NEGR1: variants seen among roughly 807,000 people sequenced by gnomAD.
The protein encoded by NEGR1 is IgLON family member 4.
In NEGR1, 10 loss-of-function variants were observed where a neutral mutation model predicts 40.9. The ratio of observed to expected loss-of-function variants is 0.24; its 90% CI spans 0.15 to 0.42. NEGR1 has a LOEUF of 0.42. NEGR1 is among the 10% of genes least tolerant of loss of function. The pLI is 1.00. For synonymous variants in NEGR1, 185 were observed against 166.8 expected (o/e 1.11, Z -0.84); for missense variants, 352 against 438.9 (o/e 0.80, Z 1.77).
At chr1:72,096,715 G>A (rs1648713411) in intron 1 of NEGR1, among the ~76,000 whole-genome samples, 1 of 151,924 alleles carries the variant, frequency 6.6e-6, no homozygotes, top group African/African-American at 2.4e-5. Flanking sequence ...AGGCTGGAGT[G>A]CAGTGGTGCG....
intron 2 of NEGR1, among the ~76,000 whole-genome samples, chr1:71,857,078 T>C (rs751691066): frequency 2.6e-5 from 4 of 151,980 alleles, no homozygotes; most frequent in Non-Finnish European, 4.4e-5. Flanking sequence ...CTGAGATGAC[T>C]TGCAAACAGG....
intron 3 of NEGR1, among the ~76,000 whole-genome samples, chr1:71,775,792 G>T (rs550197160): frequency 3.0e-4 from 46 of 151,944 alleles, no homozygotes; most frequent in Admixed American, 8.5e-4. Flanking sequence ...AAGATTCCGA[G>T]GCCAACCTGG....
At chr1:71,877,568 C>T (rs1212965675) in intron 2 of NEGR1, among the ~76,000 whole-genome samples, 8 of 152,052 alleles carry the variant, frequency 5.3e-5, no homozygotes, top group Admixed American at 3.9e-4. Context: ...CCGTAATTAT[C>T]TTTTTAAAGA....
At chr1:71,633,784 G>T (rs953428426) in intron 4 of NEGR1, among the ~76,000 whole-genome samples, 6 of 152,190 alleles carry the variant, frequency 3.9e-5, no homozygotes, top group African/African-American at 1.4e-4. Flanking sequence ...CTGTCAGCAG[G>T]ATATAACCAT....
chr1:71,927,818 T>TAA (rs35429988), intron 2 of NEGR1, among the ~76,000 whole-genome samples: 417 of 22,442 alleles, frequency 0.019, 84 homozygotes, highest in Non-Finnish European at 0.025. Flanking sequence ...ACCCAATCTC[T>TAA]AAAAAAAAAA....
At chr1:71,992,315 C>A (rs2100361000) in intron 1 of NEGR1, among the ~76,000 whole-genome samples, 1 of 151,948 alleles carries the variant, frequency 6.6e-6, no homozygotes, top group Admixed American at 6.6e-5. Flanking sequence ...ATACACATTG[C>A]TACAAGATTA....
chr1:71,600,955 T>G (rs752986471), intron 5 of NEGR1, among the ~76,000 whole-genome samples: 5 of 152,204 alleles, frequency 3.3e-5, no homozygotes, highest in Admixed American at 6.5e-5. Flanking sequence ...TCCCTAAACT[T>G]TCTTCCTGTG....
intron 6 of NEGR1, among the ~76,000 whole-genome samples, chr1:71,454,039 TA>T (rs1646652093): frequency 6.6e-6 from 1 of 152,224 alleles, no homozygotes; most frequent in Non-Finnish European, 1.5e-5. Context: ...TCTTCAGCCA[TA>T]ATTCATGAGC....
chr1:71,887,640 T>C (rs942473179), intron 2 of NEGR1, among the ~76,000 whole-genome samples: 22 of 152,174 alleles, frequency 1.4e-4, no homozygotes, highest in African/African-American at 5.1e-4. Flanking sequence ...TCATTTCCTT[T>C]TGTTGGGAGT....
rs141649331 is a variant in NEGR1 at position 72,173,433 on chromosome 1, C to G, written c.176+108886G>C. ...GCAGTGCAATTTAATGTTGGATTAT[C>G]ACCTCGAATGAAACAATCATAAACA... On this transcript the variant is annotated intron_variant, in intron 1 of 6. Coordinates refer to ENST00000357731, the MANE Select transcript of NEGR1 (RefSeq NM_173808.3). Among the ~76,000 whole-genome samples the G allele has an allele frequency of 2.6e-3, 398 of 151,020 alleles. 1 individual carries two copies. Among genetic ancestry groups the G allele is most frequent in the African/African-American group, 8.9e-3 (365 of 41,238 alleles).
chr1:71,498,474 T>C (rs1646979729), intron 6 of NEGR1, among the ~76,000 whole-genome samples: 1 of 152,064 alleles, frequency 6.6e-6, no homozygotes, highest in South Asian at 2.1e-4. Flanking sequence ...TGTAGCAATA[T>C]AAGTAAGGCT....
At chr1:71,529,171 G>A (rs1309714891) in intron 6 of NEGR1, among the ~76,000 whole-genome samples, 3 of 151,014 alleles carry the variant, frequency 2.0e-5, no homozygotes, top group Non-Finnish European at 3.0e-5. Context: ...GGGTATTTGC[G>A]GTGCATTAAA....
At chr1:71,857,984 A>G (rs375534467) in intron 2 of NEGR1, among the ~76,000 whole-genome samples, 12 of 151,950 alleles carry the variant, frequency 7.9e-5, no homozygotes, top group African/African-American at 2.9e-4. Context: ...AGGGCATTCA[A>G]TTTGGCAGGC....
chr1:71,456,850 T>C (rs1646676431), intron 6 of NEGR1, among the ~76,000 whole-genome samples: 1 of 152,210 alleles, frequency 6.6e-6, no homozygotes, highest in Admixed American at 6.5e-5. Context: ...TCCACAGTTT[T>C]AAAAATGTTT....
rs376391601 is a variant in NEGR1, at chr1:71,828,105, T to C, written c.410-51808A>G. 7.2e-5 allele frequency among the ~76,000 whole-genome samples: 11 copies of C among 152,048 alleles called. No individual in the cohort carries two copies. In the East Asian group the frequency reaches 1.4e-3, roughly 19 times the overall value. ...ATATAATACTGTGAAATAACTGCTA[T>C]AGTAGAGATAGGAACTGAATATTTT... On this transcript the variant is annotated intron_variant, in intron 2 of 6. Coordinates refer to ENST00000357731, the MANE Select transcript of NEGR1 (RefSeq NM_173808.3).
At chr1:72,077,926 T>A (rs1264810551) in intron 1 of NEGR1, among the ~76,000 whole-genome samples, 1 of 152,164 alleles carries the variant, frequency 6.6e-6, no homozygotes, top group South Asian at 2.1e-4. Flanking sequence ...AAAGCATCAA[T>A]TGATTTGTAT....
chr1:71,880,056 A>C (rs906833411), intron 2 of NEGR1, among the ~76,000 whole-genome samples: 1 of 152,224 alleles, frequency 6.6e-6, no homozygotes, highest in South Asian at 2.1e-4. Flanking sequence ...GATAGCTAAT[A>C]ATCTAAAATC....
In NEGR1 at chr1:71,407,373, A is replaced by G. The variant is rs915015516; in HGVS notation, c.*73T>C. 1.4e-6 allele frequency: 2 copies of G among 1,465,282 alleles called. No individual in the cohort carries two copies. The highest frequency in any genetic ancestry group is 1.9e-6 in the Non-Finnish European group (2 of 1,063,704). 90.8% of individuals were successfully genotyped at this position (1,465,282 alleles called of 1,614,324 possible). ...GATTATATCCCACGCTGCTTTTAAC[A>G]AACTGTACCAGATTGGATCCAGCCA... On this transcript the variant is annotated 3_prime_UTR_variant, in exon 7 of 7. Transcript: ENST00000357731.
intron 2 of NEGR1, among the ~76,000 whole-genome samples, chr1:71,825,482 C>T (rs1266219288): frequency 6.6e-6 from 1 of 151,884 alleles, no homozygotes; most frequent in Non-Finnish European, 1.5e-5. Flanking sequence ...GGATTATGCT[C>T]CAGGTATCTG....
Sources: allele counts gnomAD v4.1 joint callset (sites outside exome capture counted in the v4.1 genomes callset), GRCh38; gene constraint gnomAD v4.1.1; transcripts MANE v1.5; gene names NCBI Gene and HGNC (gene_info 2026-07-23, HGNC 2026-07-21).